Variants in GOLGA8A observed in about 807,000 individuals in gnomAD.
The protein encoded by GOLGA8A is golgin subfamily A member 8A.
GOLGA8A carries 3 observed loss-of-function variants against 22.1 expected under a neutral mutation model. That is an observed-to-expected ratio of 0.14 (90% CI 0.06 to 0.35). GOLGA8A has a LOEUF of 0.35. Ranked by LOEUF, GOLGA8A falls within the 10% of genes least tolerant of loss-of-function variation. The pLI is 1.00. For missense variants in GOLGA8A, 16 were observed against 233.2 expected (o/e 0.07, Z 6.07); for synonymous variants, 7 against 91.7 (o/e 0.08, Z 5.28).
rs959783438 is a variant in GOLGA8A at position 34,429,736 on chromosome 15, T to C, written c.-1123+5647A>G. Among the ~76,000 whole-genome samples, 7 of 146,740 alleles carry C rather than the reference T, an allele frequency of 4.8e-5. 2 individuals are homozygous for C. Among genetic ancestry groups the C allele is most frequent in the Non-Finnish European group, 1.1e-4 (7 of 66,310 alleles). Reference sequence around the variant, plus strand: ...CCTACTGAGTACACGGCTGGATAGATGGACAGTGCTCCAGGCAAAGGGACT... The same window carrying C: ...CCTACTGAGTACACGGCTGGATAGACGGACAGTGCTCCAGGCAAAGGGACT... On this transcript the variant is annotated intron_variant, in intron 2 of 24. Transcript: ENST00000359187.
At chr15:34,429,737 G>A (rs1813224006) in intron 2 of GOLGA8A, among the ~76,000 whole-genome samples, 1 of 146,766 alleles carries the variant, frequency 6.8e-6, no homozygotes, top group Non-Finnish European at 1.5e-5. Flanking sequence ...CTGGATAGAT[G>A]GACAGTGCTC....
intron 16 of GOLGA8A, among the ~76,000 whole-genome samples, chr15:34,384,662 TAC>T (rs137863515): frequency 0.46 from 1,216 of 2,616 alleles, 136 homozygotes; most frequent in South Asian, 0.49. Context: ...TCATACTATG[TAC>T]ACACACACAC....
In GOLGA8A at chr15:34,430,450, C is replaced by G. The variant is rs56273369; in HGVS notation, c.-1123+4933G>C. ...GGAAAATCTCGACTTCACCCAATGC[C>G]ATTCCCGAGACAATCAGCCATCAAT... On this transcript the variant is annotated intron_variant, in intron 2 of 24. Transcript: ENST00000359187. Among the ~76,000 whole-genome samples, 320 of 149,240 alleles carry G rather than the reference C, an allele frequency of 2.1e-3. 26 individuals carry two copies. Among genetic ancestry groups the G allele is most frequent in the Non-Finnish European group, 4.0e-3 (269 of 67,124 alleles).
rs912180492 is a variant in GOLGA8A at position 34,431,806 on chromosome 15, T to A, written c.-1123+3577A>T. On this transcript the variant is annotated intron_variant, in intron 2 of 24. Transcript: ENST00000359187. ...TTTATTTTTTAAATATTTTATATAT[T>A]TTTTTAAAATAAAGTAACTGCACTA... is the stretch of plus-strand genomic sequence containing the variant. 1.2e-4 allele frequency among the ~76,000 whole-genome samples: 18 copies of A among 148,608 alleles called. 1 individual carries two copies. In the East Asian group the frequency reaches 1.8e-3, roughly 15 times the overall value.
chr15:34,426,396 C>T (rs3894643), intron 2 of GOLGA8A, among the ~76,000 whole-genome samples: 2 of 145,348 alleles, frequency 1.4e-5, no homozygotes, highest in African/African-American at 2.5e-5. Flanking sequence ...TAAAATACGT[C>T]CACAGACAGA....
At chr15:34,423,796 G>C (rs1479667498) in intron 2 of GOLGA8A, among the ~76,000 whole-genome samples, 6 of 149,358 alleles carry the variant, frequency 4.0e-5, no homozygotes, top group Non-Finnish European at 7.4e-5. Context: ...TGGCCACTGA[G>C]TCACACATGC....
chr15:34,408,370 TCACAC>T (rs1892266574), intron 2 of GOLGA8A, among the ~76,000 whole-genome samples: 1 of 32,838 alleles, frequency 3.0e-5, no homozygotes, highest in East Asian at 1.1e-3. Flanking sequence ...CACATTCACA[TCACAC>T]CACACCACAT....
Position 34,379,111 on chromosome 15 carries a change from T to C in GOLGA8A, c.*2300A>G, listed in dbSNP as rs1059954. 15 of 152,646 alleles carry C rather than the reference T, an allele frequency of 9.8e-5. No individual in the cohort carries two copies. Among genetic ancestry groups the C allele is most frequent in the African/African-American group, 3.1e-4 (13 of 41,454 alleles). 9.5% of individuals were successfully genotyped at this position (152,646 alleles called of 1,614,324 possible). On this transcript the variant is annotated 3_prime_UTR_variant, in exon 25 of 25. Transcript: ENST00000359187. ...TTTATTGCATTACAGTAGCATCACA[T>C]CAGCAGTCAATAATGCCACTTTAAG... is the stretch of plus-strand genomic sequence containing the variant.
At chr15:34,436,863 A>AG (rs1161986484) in intron 1 of GOLGA8A, among the ~76,000 whole-genome samples, 1 of 149,418 alleles carries the variant, frequency 6.7e-6, no homozygotes, top group Non-Finnish European at 1.5e-5. Flanking sequence ...GGGGTTTTTG[A>AG]GTTTTTCCCT....
intron 2 of GOLGA8A, chr15:34,418,835 CA>C (rs1892679109): frequency 6.8e-6 from 1 of 146,290 alleles, no homozygotes; most frequent in Non-Finnish European, 1.5e-5. Context: ...AGTTTAGCCC[CA>C]GTTCCCAACA....
At chr15:34,431,110 C>T (rs1893209041) in intron 2 of GOLGA8A, among the ~76,000 whole-genome samples, 1 of 148,528 alleles carries the variant, frequency 6.7e-6, no homozygotes, top group African/African-American at 2.5e-5. Context: ...AGTGGCTTTA[C>T]TATTTTTGAA....
intron 2 of GOLGA8A, among the ~76,000 whole-genome samples, chr15:34,420,646 A>C (rs1198793815): frequency 1.5e-5 from 2 of 132,634 alleles, no homozygotes; most frequent in East Asian, 4.7e-4. Flanking sequence ...TTTCTTTCTG[A>C]AACTTGGGTG....
At chr15:34,429,558 G>T (rs771945695) in intron 2 of GOLGA8A, among the ~76,000 whole-genome samples, 25 of 149,056 alleles carry the variant, frequency 1.7e-4, no homozygotes, top group Non-Finnish European at 1.5e-5. Context: ...TCCAGACTGT[G>T]CCTCTCTAGG....
chr15:34,380,383 T>G lies in GOLGA8A; in HGVS notation c.*1028A>C, dbSNP rs967457335. On this transcript the variant is annotated 3_prime_UTR_variant, in exon 25 of 25. Coordinates refer to ENST00000359187, the MANE Select transcript of GOLGA8A (RefSeq NM_181077.5). Reference sequence around the variant, plus strand: ...GCCTGTTTCAGAGACATTTAAACTCTTAAAGGATTTCTTATGATCTTCACT... The same window carrying G: ...GCCTGTTTCAGAGACATTTAAACTCGTAAAGGATTTCTTATGATCTTCACT... 6.6e-6 allele frequency: 1 copy of G among 152,234 alleles called. No individual in the cohort carries two copies. Among genetic ancestry groups the G allele is most frequent in the East Asian group, 1.9e-4 (1 of 5,202 alleles). The allele number at this position is 152,234 out of a possible 1,614,324, so 9.4% of individuals were successfully genotyped here. A position where few individuals can be genotyped will look rare whatever the true frequency, so the allele number is the denominator to read the frequency against.
In GOLGA8A at chr15:34,381,165, G is replaced by A. The variant is rs924781417; in HGVS notation, c.*246C>T. ...GGGCAAACTCGATATGCATGCTAAT[G>A]ACCTACAATTATGAAATGAAAAAAG... On this transcript the variant is annotated 3_prime_UTR_variant, in exon 25 of 25. Coordinates refer to ENST00000359187, the MANE Select transcript of GOLGA8A (RefSeq NM_181077.5). The A allele has an allele frequency of 9.8e-6, 6 of 611,870 alleles. No individual in the cohort carries two copies. Among genetic ancestry groups the A allele is most frequent in the African/African-American group, 9.2e-5 (5 of 54,406 alleles). The allele number at this position is 611,870 out of a possible 1,614,324, so 37.9% of individuals were successfully genotyped here. A position where few individuals can be genotyped will look rare whatever the true frequency, so the allele number is the denominator to read the frequency against.
intron 1 of GOLGA8A, among the ~76,000 whole-genome samples, chr15:34,435,905 G>A (rs1182855958): frequency 6.7e-6 from 1 of 148,678 alleles, no homozygotes; most frequent in Non-Finnish European, 1.5e-5. Context: ...GACACTGCCC[G>A]GAGCCCCAGC....
At chr15:34,436,025 G>A (rs1185444636) in intron 1 of GOLGA8A, among the ~76,000 whole-genome samples, 1 of 149,016 alleles carries the variant, frequency 6.7e-6, no homozygotes, top group Non-Finnish European at 1.5e-5. Flanking sequence ...GGTCACCCAG[G>A]AATCAGCGCA....
intron 2 of GOLGA8A, among the ~76,000 whole-genome samples, chr15:34,429,415 A>G (rs1595667909): frequency 6.9e-6 from 1 of 145,954 alleles, no homozygotes; most frequent in East Asian, 2.0e-4. Flanking sequence ...CCCTATGCCC[A>G]GGGTGCCACA....
chr15:34,431,283 A>G (rs1387001303), intron 2 of GOLGA8A, among the ~76,000 whole-genome samples: 2 of 124,530 alleles, frequency 1.6e-5, no homozygotes, highest in Non-Finnish European at 3.3e-5. Flanking sequence ...CAACCAAATG[A>G]AAAAAAATTA....
Sources: gnomAD v4.1 joint callset for allele counts (sites outside exome capture counted in the v4.1 genomes callset) on GRCh38, gnomAD v4.1.1 for gene constraint, MANE v1.5 for transcripts, NCBI Gene and HGNC (gene_info 2026-07-23, HGNC 2026-07-21) for gene names.